The following ZNF385D variants were observed in gnomAD, a reference collection of about 807,000 sequenced individuals.
The protein encoded by ZNF385D is zinc finger protein 385D, also known as zinc finger protein 659.
A neutral mutation model predicts 35.8 loss-of-function variants in ZNF385D; 15 were observed. The ratio of observed to expected loss-of-function variants is 0.42; its 90% confidence interval spans 0.28 to 0.64. The LOEUF (loss-of-function observed/expected upper bound fraction) is 0.64, where lower values mean the gene tolerates loss of function less well. Ranked by LOEUF, ZNF385D falls within the 30% of genes least tolerant of loss-of-function variation. The pLI is 0.23. For synonymous variants in ZNF385D, 212 were observed against 186.8 expected (o/e 1.13, Z -1.10); for missense variants, 474 against 494.6 (o/e 0.96, Z 0.39).
At chr3:21,995,911 T>G (rs1321823378) in intron 3 of ZNF385D, among the ~76,000 whole-genome samples, 1 of 151,984 alleles carries the variant, frequency 6.6e-6, no homozygotes, top group Non-Finnish European at 1.5e-5. Context: ...TGTGCTACAT[T>G]GTCTATACCT....
intron 3 of ZNF385D, among the ~76,000 whole-genome samples, chr3:21,547,785 T>G (rs1041975876): frequency 3.0e-4 from 45 of 151,764 alleles, no homozygotes; most frequent in Non-Finnish European, 8.8e-5. Flanking sequence ...CCCGGCTAAT[T>G]TTTGTATTTT....
At chr3:22,016,984 T>A (rs939611617) in intron 3 of ZNF385D, among the ~76,000 whole-genome samples, 2 of 151,838 alleles carry the variant, frequency 1.3e-5, no homozygotes, top group Non-Finnish European at 2.9e-5. Flanking sequence ...TCTCATTTAA[T>A]TTAAAATGGC....
intron 3 of ZNF385D, among the ~76,000 whole-genome samples, chr3:21,819,696 GTATA>G (rs905797601): frequency 4.4e-4 from 63 of 142,736 alleles, no homozygotes; most frequent in Non-Finnish European, 7.9e-4. Context: ...GTGTACGTGT[GTATA>G]TATATACACG....
intron 3 of ZNF385D, among the ~76,000 whole-genome samples, chr3:21,804,589 T>A (rs1220141597): frequency 6.6e-6 from 1 of 152,204 alleles, no homozygotes; most frequent in East Asian, 1.9e-4. Flanking sequence ...AGAAAGTACA[T>A]TTATGCAAGA....
In ZNF385D at chr3:22,280,953, G is replaced by A. The variant is rs539850991; in HGVS notation, c.106+91497C>T. 1.7e-3 allele frequency among the ~76,000 whole-genome samples: 260 copies of A among 152,094 alleles called. 1 individual carries two copies. The highest frequency in any genetic ancestry group is 5.9e-3 in the African/African-American group (246 of 41,534). The stretch of plus-strand genomic sequence containing the variant: ...CCTTGTAGAGGTCTTCACCTCCTTT[G>A]TTAAGTATATTCCTACATTTTTGTT... On this transcript the variant is annotated intron_variant, in intron 2 of 5. Coordinates refer to the ZNF385D transcript ENST00000494108.
At chr3:21,748,111 C>T (rs2125546388) in intron 1 of ZNF385D, among the ~76,000 whole-genome samples, 1 of 152,220 alleles carries the variant, frequency 6.6e-6, no homozygotes, top group East Asian at 1.9e-4. Context: ...ACTCTGAAAT[C>T]ACAGCACAGG....
intron 3 of ZNF385D, among the ~76,000 whole-genome samples, chr3:22,032,739 G>A (rs1450268557): frequency 1.3e-5 from 2 of 152,086 alleles, no homozygotes; most frequent in African/African-American, 4.8e-5. Context: ...TATGGGGTCG[G>A]CTGAAAAACA....
At chr3:21,579,451 A>G (rs1451322902) in intron 2 of ZNF385D, 5 of 152,150 alleles carry the variant, frequency 3.3e-5, no homozygotes, top group Non-Finnish European at 7.4e-5. Context: ...TTATTCTAAA[A>G]TATGTTCTTC....
intron 4 of ZNF385D, among the ~76,000 whole-genome samples, chr3:21,476,371 T>G (rs1438547899): frequency 6.6e-6 from 1 of 152,100 alleles, no homozygotes; most frequent in Non-Finnish European, 1.5e-5. Flanking sequence ...CAATTATCCT[T>G]GAAAGGGATA....
intron 2 of ZNF385D, among the ~76,000 whole-genome samples, chr3:22,327,279 A>G (rs947702872): frequency 6.6e-5 from 10 of 152,202 alleles, no homozygotes; most frequent in South Asian, 4.1e-4. Flanking sequence ...TTTACCTCCA[A>G]AAAGAGTAAA....
At position 22,181,009 on chromosome 3, in the gene ZNF385D, GTCT is replaced by G. The variant is rs1695232693; in HGVS notation, c.107-11977_107-11975del. On this transcript the variant is annotated intron_variant, in intron 2 of 5. Transcript: ENST00000494108. ...TTTTCTTTCTTTTCTCATTGATTCT[GTCT>G]TCTTAAAATATATTTTAATACTTTG... is the stretch of plus-strand genomic sequence containing the variant. 5.0e-5 allele frequency among the ~76,000 whole-genome samples: 7 copies of G among 139,406 alleles called. No homozygotes were observed. The South Asian group carries it at 1.6e-3, about 32-fold the overall frequency. The allele number at this position is 139,406 out of a possible 152,430, so 91.5% of individuals were successfully genotyped here. A position where few individuals can be genotyped will look rare whatever the true frequency, so the allele number is the denominator to read the frequency against.
At chr3:21,971,279 T>C (rs1703239342) in intron 3 of ZNF385D, among the ~76,000 whole-genome samples, 1 of 151,944 alleles carries the variant, frequency 6.6e-6, no homozygotes, top group South Asian at 2.1e-4. Context: ...AGACATAGCA[T>C]AATAAATAAA....
chr3:22,034,942 T>C (rs1446247744), intron 3 of ZNF385D, among the ~76,000 whole-genome samples: 1 of 152,222 alleles, frequency 6.6e-6, no homozygotes, highest in Non-Finnish European at 1.5e-5. Flanking sequence ...ATGATTTACA[T>C]GTCAAATACT....
chr3:21,616,104 C>T (rs2064838726), intron 2 of ZNF385D, among the ~76,000 whole-genome samples: 1 of 151,936 alleles, frequency 6.6e-6, no homozygotes, highest in Non-Finnish European at 1.5e-5. Context: ...TACCTTAAGG[C>T]TAACCTTCCC....
Position 21,663,384 on chromosome 3 carries a change from A to C in ZNF385D, c.165+1502T>G, listed in dbSNP as rs1036658077. Among the ~76,000 whole-genome samples the C allele has an allele frequency of 2.0e-5, 3 of 152,096 alleles. No individual in the cohort carries two copies. In the East Asian group the frequency reaches 5.8e-4, roughly 29 times the overall value. On this transcript the variant is annotated intron_variant, in intron 2 of 7. Transcript: ENST00000281523. ...TTATGGCCTTCCAGGAATTTTACCTAAAATGCTCTTAAGCTGACATGGGAC... is the reference window on the plus strand; with the variant it reads ...TTATGGCCTTCCAGGAATTTTACCTCAAATGCTCTTAAGCTGACATGGGAC...
intron 2 of ZNF385D, among the ~76,000 whole-genome samples, chr3:22,217,848 T>C (rs1388247984): frequency 1.3e-5 from 2 of 152,050 alleles, no homozygotes; most frequent in Non-Finnish European, 2.9e-5. Context: ...TCCTGAATTT[T>C]TCTCCACCTC....
At position 21,702,980 on chromosome 3, in the gene ZNF385D, C is replaced by T. The variant is rs560080630; in HGVS notation, c.23-37952G>A. ...CCTACTTTTCTATATTCTTCTGAGC[C>T]CTCTAAACTGTTCCAACCTCTGCCT... On this transcript the variant is annotated intron_variant, in intron 1 of 7. Coordinates refer to ENST00000281523, the MANE Select transcript of ZNF385D (RefSeq NM_024697.3). 1.1e-4 allele frequency among the ~76,000 whole-genome samples: 17 copies of T among 152,228 alleles called. No individual in the cohort carries two copies. In the South Asian group the frequency reaches 3.3e-3, roughly 30 times the overall value.
At chr3:21,581,111 C>T (rs2063646415) in intron 2 of ZNF385D, among the ~76,000 whole-genome samples, 1 of 152,160 alleles carries the variant, frequency 6.6e-6, no homozygotes, top group Admixed American at 6.6e-5. Context: ...CACTGCCTTC[C>T]AGGAACTAGC....
intron 3 of ZNF385D, among the ~76,000 whole-genome samples, chr3:21,925,647 T>A (rs563160110): frequency 6.6e-6 from 1 of 152,228 alleles, no homozygotes; most frequent in African/African-American, 2.4e-5. Context: ...AACCTACAAG[T>A]AGTTACTTTC....
Sources: gnomAD v4.1 joint callset for allele counts (sites outside exome capture counted in the v4.1 genomes callset) on GRCh38, gnomAD v4.1.1 for gene constraint, MANE v1.5 for transcripts, NCBI Gene and HGNC (gene_info 2026-07-23, HGNC 2026-07-21) for gene names.